IQCH: variants seen among roughly 807,000 people sequenced by gnomAD.
IQCH encodes IQ motif containing H.
A neutral mutation model predicts 117.0 loss-of-function variants in IQCH; 98 were observed. The observed-to-expected ratio is 0.84, with a 90% CI of 0.71 to 0.99. IQCH has a LOEUF of 0.99. Ranked by LOEUF, IQCH falls within the 50% of genes least tolerant of loss-of-function variation. The pLI is 0.00. For synonymous variants in IQCH, 412 were observed against 448.2 expected (o/e 0.92, Z 1.02); for missense variants, 1,102 against 1,243.8 (o/e 0.89, Z 1.72).
rs2082660089 is a variant in IQCH at position 67,456,517 on chromosome 15, C to T, written c.2506-8610C>T. 6.6e-6 allele frequency among the ~76,000 whole-genome samples: 1 copy of T among 152,048 alleles called. No individual in the cohort carries two copies. The highest frequency in any genetic ancestry group is 6.6e-5 in the Admixed American group (1 of 15,262). On this transcript the variant is annotated intron_variant, in intron 16 of 20. Coordinates refer to ENST00000335894, the MANE Select transcript of IQCH (RefSeq NM_001031715.3). This position sits in a 1 kb window ranked among gnomAD's most constrained non-coding sequence, Gnocchi z 5.1. ...CAGTGCTGGTTAAGACCTCCCTAAG[C>T]CCTGAGTATTTTTAGTTTTAGAGAT...
rs2081764948 is a variant in IQCH, at chr15:67,422,114, T to A, written c.2505+537T>A. 1.4e-5 allele frequency among the ~76,000 whole-genome samples: 2 copies of A among 147,694 alleles called. No individual in the cohort carries two copies. The highest frequency in any genetic ancestry group is 6.8e-5 in the Admixed American group (1 of 14,794). Reference sequence around the variant, plus strand: ...ACTCCATCTCAAAAAAAAAAAAAAATAGTGACTGAATCTCACCCCTCACAG... The same window carrying A: ...ACTCCATCTCAAAAAAAAAAAAAAAAAGTGACTGAATCTCACCCCTCACAG... On this transcript the variant is annotated intron_variant, in intron 16 of 20. Transcript: ENST00000335894. The surrounding 1 kb of genome is among the most constrained non-coding windows in gnomAD (Gnocchi z 4.7).
rs1431016694 is a variant in IQCH, at chr15:67,493,801, C to T, written c.2862-457C>T. On this transcript the variant is annotated intron_variant, in intron 19 of 20. Coordinates refer to ENST00000335894, the MANE Select transcript of IQCH (RefSeq NM_001031715.3). The surrounding 1 kb of genome is among the most constrained non-coding windows in gnomAD (Gnocchi z 5.1). ...TTAGGTATATCTCCTAATGCTATTC[C>T]TCTCCCCTCCCCTCACCCCACGACA... 6.6e-6 allele frequency among the ~76,000 whole-genome samples: 1 copy of T among 152,106 alleles called. No individual in the cohort carries two copies.
chr15:67,499,580 A>G (rs1448276525), intron 20 of IQCH, among the ~76,000 whole-genome samples: 1 of 152,084 alleles, frequency 6.6e-6, no homozygotes, highest in Non-Finnish European at 1.5e-5. Flanking sequence ...TTACCATATG[A>G]CCCGGCAATT....
intron 4 of IQCH, among the ~76,000 whole-genome samples, chr15:67,323,774 T>C (rs893767170): frequency 1.3e-5 from 2 of 152,086 alleles, no homozygotes; most frequent in Non-Finnish European, 2.9e-5. Flanking sequence ...ACTTTACATA[T>C]ATTATAAAAT....
At chr15:67,344,619 T>C (rs1296897008) in intron 6 of IQCH, among the ~76,000 whole-genome samples, 6 of 152,242 alleles carry the variant, frequency 3.9e-5, no homozygotes, top group Non-Finnish European at 8.8e-5. Context: ...GACCTTGATA[T>C]GCATCTGTCA....
intron 10 of IQCH, among the ~76,000 whole-genome samples, chr15:67,379,580 C>T (rs1008783877): frequency 2.0e-5 from 3 of 152,056 alleles, no homozygotes; most frequent in African/African-American, 7.2e-5. Flanking sequence ...ATTGTAATCC[C>T]CACATGTTGG....
At chr15:67,344,867 A>C (rs1363622168) in intron 6 of IQCH, among the ~76,000 whole-genome samples, 1 of 152,224 alleles carries the variant, frequency 6.6e-6, no homozygotes, top group African/African-American at 2.4e-5. Context: ...ATAAATAAGC[A>C]AGACCCAACT....
rs530026147 is a variant in IQCH, at chr15:67,486,241, T to C, written c.2800-3762T>C. Among the ~76,000 whole-genome samples the C allele has an allele frequency of 2.0e-5, 3 of 151,540 alleles. No individual in the cohort carries two copies. In the South Asian group the frequency reaches 6.3e-4, roughly 32 times the overall value. ...TTTTAATAGAGACAGCATTTCACCA[T>C]GCTGGCCAGGCTGGTCTCAAACTCC... is the stretch of plus-strand genomic sequence containing the variant. On this transcript the variant is annotated intron_variant, in intron 18 of 20. Transcript: ENST00000335894.
At chr15:67,442,857 T>C (rs950310740) in intron 16 of IQCH, among the ~76,000 whole-genome samples, 1 of 139,428 alleles carries the variant, frequency 7.2e-6, no homozygotes, top group South Asian at 2.2e-4. Flanking sequence ...GATAGATAGA[T>C]AGATAGATAT....
rs763588914 is a variant in IQCH at position 67,388,837 on chromosome 15, A to G, written c.1463A>G (p.Asn488Ser). 37 of 1,612,316 alleles carry G rather than the reference A, an allele frequency of 2.3e-5. No homozygotes were observed. Among genetic ancestry groups the G allele is most frequent in the Non-Finnish European group, 2.6e-5 (31 of 1,178,748 alleles). The change falls in exon 12 of 21, where the codon AAT becomes AGT. Residue 488 changes from asparagine to serine, a missense_variant. By Grantham distance (46) the Asn-to-Ser change is conservative. Transcript: ENST00000335894. This position sits in a 1 kb window ranked among gnomAD's most constrained non-coding sequence, Gnocchi z 5.5. ...TTGTGCCTGTTGTTTTTAGATGCCA[A>G]TGTGAATGTCATCTACATCTGCTCC... ...LGRLCDILDA[N>S]VNVIYICSHH...
intron 6 of IQCH, among the ~76,000 whole-genome samples, chr15:67,352,058 T>G (rs1371793657): frequency 6.6e-6 from 1 of 152,164 alleles, no homozygotes; most frequent in Non-Finnish European, 1.5e-5. Context: ...CTTTCCTTTA[T>G]TGTCTTCTTT....
intron 4 of IQCH, among the ~76,000 whole-genome samples, chr15:67,323,239 AT>A (rs578260011): frequency 0.37 from 35,822 of 97,616 alleles, 3,785 homozygotes; most frequent in Non-Finnish European, 0.4. Flanking sequence ...TTAGGGTTAC[AT>A]TTTTTTTTTT....
At chr15:67,284,912 G>A (rs887185451) in intron 4 of IQCH, among the ~76,000 whole-genome samples, 1 of 152,088 alleles carries the variant, frequency 6.6e-6, no homozygotes, top group African/African-American at 2.4e-5. Flanking sequence ...GTGCTACAGT[G>A]AACATATGTG....
intron 4 of IQCH, among the ~76,000 whole-genome samples, chr15:67,291,759 T>C (rs1966758957): frequency 6.6e-6 from 1 of 152,174 alleles, no homozygotes; most frequent in African/African-American, 2.4e-5. Context: ...AAGTTGGATT[T>C]TATAGAATAG....
intron 16 of IQCH, among the ~76,000 whole-genome samples, chr15:67,421,784 G>A (rs1380600604): frequency 3.9e-5 from 6 of 152,270 alleles, no homozygotes; most frequent in African/African-American, 7.2e-5. Context: ...GGGTTGTCTC[G>A]TTCAGGTACA....
At chr15:67,492,789 G>A (rs2083696883) in intron 19 of IQCH, among the ~76,000 whole-genome samples, 1 of 152,170 alleles carries the variant, frequency 6.6e-6, no homozygotes, top group Non-Finnish European at 1.5e-5. Context: ...AGCAGTGCAG[G>A]TGGGTACTCG....
chr15:67,373,313 A>T, intron 9 of IQCH, 54 bp from the exon 10 acceptor site: 1 of 1,157,402 alleles, frequency 8.6e-7, no homozygotes, highest in Non-Finnish European at 1.3e-6. Flanking sequence ...AAGTTTGACT[A>T]GATGAATCCA....
intron 9 of IQCH, 114 bp downstream of exon 9, chr15:67,372,776 C>T (rs1645268061): frequency 9.5e-6 from 8 of 839,080 alleles, no homozygotes; most frequent in Non-Finnish European, 1.5e-5. Flanking sequence ...ACTCTCCTTG[C>T]CTCAGACTCC....
Position 67,421,571 on chromosome 15 carries a change from A to G in IQCH, c.2499A>G (p.Glu833=). The change falls in exon 16 of 21, where the codon GAA becomes GAG. Residue 833 remains glutamate (E), a synonymous_variant. Transcript: ENST00000335894. The part of the protein sequence containing the change: ...LVTFIDPSTL[E]QQVWATGLNL... ...CTTTTATAGATCCAAGCACCTTGGA[A>G]CAACAGGTAAGTTGAATGGATGCCA... The G allele has an allele frequency of 6.2e-7, 1 of 1,614,074 alleles. No individual in the cohort carries two copies. The highest frequency in any genetic ancestry group is 1.1e-5 in the South Asian group (1 of 91,086).
Sources: gnomAD v4.1 joint callset for allele counts (sites outside exome capture counted in the v4.1 genomes callset) on GRCh38, gnomAD v4.1.1 for gene constraint, Gnocchi (gnomAD v3.1) non-coding constraint, MANE v1.5 for transcripts, NCBI Gene and HGNC (gene_info 2026-07-23, HGNC 2026-07-21) for gene names.